Variants in SLC24A2 observed in about 807,000 individuals in gnomAD.
The protein encoded by SLC24A2 is sodium/potassium/calcium exchanger 2.
A neutral mutation model predicts 62.0 loss-of-function variants in SLC24A2; 36 were observed. That is an observed-to-expected ratio of 0.58 (90% CI 0.44 to 0.77). The LOEUF (loss-of-function observed/expected upper bound fraction) is 0.77. Ranked by LOEUF, SLC24A2 falls within the 30% of genes least tolerant of loss-of-function variation. SLC24A2 has a pLI of 0.00. For synonymous variants in SLC24A2, 358 were observed against 294.0 expected (o/e 1.22, Z -2.23); for missense variants, 846 against 817.9 (o/e 1.03, Z -0.42).
chr9:20,277,194 A>T, the SLC24A2 span, among the ~76,000 whole-genome samples: 1 of 152,244 alleles, frequency 6.6e-6, no homozygotes. Context: ...TTCATGACTA[A>T]AACATCAAAA....
At chr9:20,117,120 A>G in the SLC24A2 span, among the ~76,000 whole-genome samples, 1 of 152,188 alleles carries the variant, frequency 6.6e-6, no homozygotes, top group Non-Finnish European at 1.5e-5. Context: ...CTACGCCATC[A>G]TCATGCCCAG....
the SLC24A2 span, among the ~76,000 whole-genome samples, chr9:20,041,567 A>C: frequency 6.6e-6 from 1 of 152,232 alleles, no homozygotes; most frequent in Non-Finnish European, 1.5e-5. Flanking sequence ...GTATCATCAA[A>C]ATCAGTGGTG....
At chr9:20,192,794 G>T in the SLC24A2 span, among the ~76,000 whole-genome samples, 2 of 152,086 alleles carry the variant, frequency 1.3e-5, no homozygotes, top group South Asian at 2.1e-4. Flanking sequence ...CCAACATGCA[G>T]CCAAGGTTGA....
At chr9:19,680,318 G>A (rs900975368) in intron 2 of SLC24A2, among the ~76,000 whole-genome samples, 15 of 152,086 alleles carry the variant, frequency 9.9e-5, no homozygotes, top group African/African-American at 2.9e-4. Context: ...CACAGTCTAC[G>A]CAAAGGCATG....
At chr9:19,690,480 A>T in intron 2 of SLC24A2, among the ~76,000 whole-genome samples, 1 of 152,060 alleles carries the variant, frequency 6.6e-6, no homozygotes, top group East Asian at 1.9e-4. Context: ...TCCTCTGGGG[A>T]TGGTAAGCTG....
intron 7 of SLC24A2, among the ~76,000 whole-genome samples, chr9:19,565,407 A>C (rs989618389): frequency 7.3e-5 from 11 of 150,860 alleles, no homozygotes; most frequent in Non-Finnish European, 1.0e-4. Context: ...CCAACTTACA[A>C]GGGATGTGAA....
chr9:19,698,178 T>C (rs1820247442), intron 2 of SLC24A2, among the ~76,000 whole-genome samples: 2 of 152,108 alleles, frequency 1.3e-5, no homozygotes, highest in African/African-American at 4.8e-5. Flanking sequence ...CCAAAACGTT[T>C]TGAGCACGGA....
At chr9:19,516,511 T>A in intron 10 of SLC24A2, 109 bp from the exon 11 acceptor site, 1 of 1,330,952 alleles carries the variant, frequency 7.5e-7, no homozygotes, top group Non-Finnish European at 1.0e-6. Flanking sequence ...AACTCTAAAC[T>A]GAAAAGGGTG....
At chr9:19,925,497 A>G in the SLC24A2 span, among the ~76,000 whole-genome samples, 1 of 152,196 alleles carries the variant, frequency 6.6e-6, no homozygotes, top group Non-Finnish European at 1.5e-5. Context: ...TTTACACATT[A>G]GTTCTTGCTG....
At position 19,735,270 on chromosome 9, in the gene SLC24A2, T is replaced by C. The variant is rs543243550; in HGVS notation, c.930+50667A>G. On this transcript the variant is annotated intron_variant, in intron 2 of 10. Transcript: ENST00000341998. ...CACATGAAAAGACACTCATCATCAC[T>C]GGCCATCAGAGAAATGCAAATCAAA... is the stretch of plus-strand genomic sequence containing the variant. Among the ~76,000 whole-genome samples, 93 of 152,258 alleles carry C rather than the reference T, an allele frequency of 6.1e-4. 1 individual carries two copies. The East Asian group carries it at 0.016, about 26-fold the overall frequency.
At chr9:19,775,600 G>C (rs1293417748) in intron 2 of SLC24A2, among the ~76,000 whole-genome samples, 1 of 152,168 alleles carries the variant, frequency 6.6e-6, no homozygotes, top group African/African-American at 2.4e-5. Flanking sequence ...ATGAAGATTA[G>C]CATGGATTTA....
At chr9:19,995,777 G>A in the SLC24A2 span, among the ~76,000 whole-genome samples, 1 of 152,230 alleles carries the variant, frequency 6.6e-6, no homozygotes, top group Admixed American at 6.5e-5. Context: ...TCTAGGCAGT[G>A]CACCCCAGCA....
chr9:20,177,383 A>G, the SLC24A2 span, among the ~76,000 whole-genome samples: 3 of 152,114 alleles, frequency 2.0e-5, no homozygotes, highest in Non-Finnish European at 4.4e-5. Context: ...TCCTTCCTCT[A>G]AATTATTTCT....
the SLC24A2 span, among the ~76,000 whole-genome samples, chr9:19,888,239 A>G: frequency 2.0e-5 from 3 of 152,222 alleles, no homozygotes; most frequent in Admixed American, 6.5e-5. Context: ...GAAAATGTTT[A>G]TATAATAGAA....
chr9:19,989,095 A>T, the SLC24A2 span, among the ~76,000 whole-genome samples: 1 of 152,194 alleles, frequency 6.6e-6, no homozygotes, highest in South Asian at 2.1e-4. Context: ...AAAATTTTAT[A>T]AAAATATATT....
chr9:20,154,226 C>G, the SLC24A2 span, among the ~76,000 whole-genome samples: 2 of 151,704 alleles, frequency 1.3e-5, no homozygotes, highest in South Asian at 4.1e-4. Flanking sequence ...TGTGTGTATA[C>G]TAAAATAATA....
At chr9:19,562,455 C>G (rs910650028) in intron 7 of SLC24A2, among the ~76,000 whole-genome samples, 4 of 152,170 alleles carry the variant, frequency 2.6e-5, no homozygotes, top group South Asian at 2.1e-4. Flanking sequence ...AGATTCTCAG[C>G]GAATATATAA....
the SLC24A2 span, among the ~76,000 whole-genome samples, chr9:20,301,125 C>T: frequency 6.6e-6 from 1 of 152,194 alleles, no homozygotes; most frequent in South Asian, 2.1e-4. Flanking sequence ...CCCAAGCAAA[C>T]AAGAGCAAAA....
intron 7 of SLC24A2, among the ~76,000 whole-genome samples, chr9:19,573,089 G>A (rs1197109886): frequency 2.6e-5 from 4 of 152,184 alleles, no homozygotes; most frequent in African/African-American, 9.7e-5. Flanking sequence ...ATCCCCAGGA[G>A]ATACTGATGC....
Sources: allele counts gnomAD v4.1 joint callset (sites outside exome capture counted in the v4.1 genomes callset), GRCh38; gene constraint gnomAD v4.1.1; transcripts MANE v1.5; gene names NCBI Gene and HGNC (gene_info 2026-07-23, HGNC 2026-07-21).